Variants in CD99L2 observed in about 807,000 individuals in gnomAD.
CD99L2 encodes the protein CD99 molecule like 2.
CD99L2 carries 24 observed loss-of-function variants against 27.3 expected under a neutral mutation model. The ratio of observed to expected loss-of-function variants is 0.88; its 90% confidence interval spans 0.64 to 1.24. The LOEUF (loss-of-function observed/expected upper bound fraction) is 1.24. CD99L2 is among the 50% of genes most tolerant of loss of function. The pLI, the probability that CD99L2 is intolerant of heterozygous loss-of-function variation, is 0.00. For synonymous variants in CD99L2, 97 were observed against 87.9 expected (o/e 1.10, Z -0.58); for missense variants, 255 against 221.6 (o/e 1.15, Z -0.96).
chrX:150,831,295 T>C lies in CD99L2; in HGVS notation c.68-2A>G. ...TAAAATCATCAAAGTCCCCAGATCCTAAAAATTAAAAAAAAAAATTAAACT... is the reference window on the plus strand; with the variant it reads ...TAAAATCATCAAAGTCCCCAGATCCCAAAAATTAAAAAAAAAAATTAAACT... On this transcript the variant is annotated splice_acceptor_variant, in intron 1 of 10. Transcript: ENST00000370377. LOFTEE classifies it high-confidence loss of function. 6 of 1,172,157 alleles carry C rather than the reference T, an allele frequency of 5.1e-6. No homozygotes were observed. Among genetic ancestry groups the C allele is most frequent in the Non-Finnish European group, 6.9e-6 (6 of 869,922 alleles).
chrX:150,846,007 A>G (rs1774637619), intron 1 of CD99L2, among the ~76,000 whole-genome samples: 1 of 111,248 alleles, frequency 9.0e-6, no homozygotes, highest in African/African-American at 3.3e-5. Context: ...CCTGGGCAAC[A>G]TGGCGAAACC....
intron 1 of CD99L2, among the ~76,000 whole-genome samples, chrX:150,857,392 G>T (rs1198243488): frequency 9.1e-6 from 1 of 109,576 alleles, no homozygotes; most frequent in Non-Finnish European, 1.9e-5. Flanking sequence ...ACCTATAAAG[G>T]AACCCCCATC....
intron 3 of CD99L2, among the ~76,000 whole-genome samples, chrX:150,815,212 G>C (rs1384172469): frequency 1.8e-5 from 2 of 111,772 alleles, no homozygotes; most frequent in African/African-American, 6.5e-5. Context: ...CTAGCAGTCG[G>C]ACCATTTTAA....
chrX:150,887,097 T>C (rs1224568251), intron 1 of CD99L2, among the ~76,000 whole-genome samples: 1 of 106,746 alleles, frequency 9.4e-6, no homozygotes, highest in African/African-American at 3.5e-5. Flanking sequence ...TGAGCCATGA[T>C]GGTGCCACCG....
At chrX:150,886,506 T>C (rs1015326243) in intron 1 of CD99L2, among the ~76,000 whole-genome samples, 3 of 112,850 alleles carry the variant, frequency 2.7e-5, no homozygotes, top group Middle Eastern at 4.6e-3. Flanking sequence ...TAGTAGGCTA[T>C]ACCATCTATG....
At chrX:150,817,192 TATA>T (rs1166522306) in intron 2 of CD99L2, among the ~76,000 whole-genome samples, 5 of 104,151 alleles carry the variant, frequency 4.8e-5, no homozygotes, top group East Asian at 3.0e-4. Context: ...AAACTTAAAG[TATA>T]ATAATAATAA....
chrX:150,872,172 A>G (rs984111234), intron 1 of CD99L2, among the ~76,000 whole-genome samples: 2 of 110,956 alleles, frequency 1.8e-5, no homozygotes, highest in Non-Finnish European at 1.9e-5. Flanking sequence ...TCAAGGCTGC[A>G]GTGAGCTGTG....
rs782643860 is a variant in CD99L2, at chrX:150,791,292, C to T, written c.496+2399G>A. Among the ~76,000 whole-genome samples, 14 of 111,672 alleles carry T rather than the reference C, an allele frequency of 1.3e-4. No individual in the cohort carries two copies. In the South Asian group the frequency reaches 4.9e-3, roughly 39 times the overall value. On this transcript the variant is annotated intron_variant, in intron 7 of 10. Coordinates refer to ENST00000370377, the MANE Select transcript of CD99L2 (RefSeq NM_031462.4). ...GTCTGCTTAGACAGTCTAGAAGTAG[C>T]GATATACCACTAAGCAATGAATACT... is the stretch of plus-strand genomic sequence containing the variant.
intron 9 of CD99L2, among the ~76,000 whole-genome samples, chrX:150,772,237 C>T (rs868981725): frequency 8.9e-6 from 1 of 112,842 alleles, no homozygotes; most frequent in African/African-American, 3.2e-5. Flanking sequence ...ACGGAATGGA[C>T]GGTCCAGAGA....
intron 1 of CD99L2, among the ~76,000 whole-genome samples, chrX:150,894,692 A>G (rs1226064415): frequency 1.8e-5 from 2 of 110,077 alleles, no homozygotes; most frequent in Non-Finnish European, 3.8e-5. Context: ...GGCTCAAGCA[A>G]TCCTCCCACC....
At chrX:150,862,886 G>GAAAGAAAAGA (rs782333031) in intron 1 of CD99L2, among the ~76,000 whole-genome samples, 27,329 of 108,388 alleles carry the variant, frequency 0.25, 3,009 homozygotes, top group African/African-American at 0.37. Flanking sequence ...GAAAAAGAAA[G>GAAAGAAAAGA]AAAGAAAAGA....
chrX:150,816,514 T>C (rs782023807), intron 2 of CD99L2: 2 of 136,876 alleles, frequency 1.5e-5, no homozygotes, highest in East Asian at 2.0e-4. Context: ...TAGTGGAATA[T>C]GGGAGTATTT....
chrX:150,824,653 A>G (rs868974764), intron 2 of CD99L2, among the ~76,000 whole-genome samples: 6 of 91,334 alleles, frequency 6.6e-5, no homozygotes, highest in Admixed American at 2.5e-4. Context: ...AAGAAGAAGA[A>G]GAAGAAGAAG....
chrX:150,879,925 C>CAAAAAA (rs782555339), intron 1 of CD99L2, among the ~76,000 whole-genome samples: 2 of 27,325 alleles, frequency 7.3e-5, no homozygotes, highest in South Asian at 2.5e-3. Context: ...ACCCTGTCTC[C>CAAAAAA]AAAAAAAAAA....
chrX:150,781,258 C>A (rs929054462), intron 7 of CD99L2, among the ~76,000 whole-genome samples: 5 of 112,225 alleles, frequency 4.5e-5, no homozygotes, highest in African/African-American at 1.6e-4. Context: ...AGCATGATCC[C>A]ATTTTTATTT....
intron 1 of CD99L2, among the ~76,000 whole-genome samples, chrX:150,874,688 C>T (rs1363550415): frequency 2.7e-5 from 3 of 111,877 alleles, no homozygotes; most frequent in Admixed American, 9.4e-5. Context: ...TTTGATGTCA[C>T]TGGGCAACCT....
At chrX:150,887,616 C>A (rs1185494223) in intron 1 of CD99L2, among the ~76,000 whole-genome samples, 1 of 111,259 alleles carries the variant, frequency 9.0e-6, no homozygotes, top group Non-Finnish European at 1.9e-5. Context: ...TCCTCCAAGG[C>A]TACACAGTAG....
Position 150,898,658 on chromosome X carries a change from A to G in CD99L2, c.-70T>C. The G allele has an allele frequency of 1.1e-6, 1 of 943,359 alleles. No individual in the cohort carries two copies. 77.7% of individuals were successfully genotyped at this position (943,359 alleles called of 1,213,427 possible). On this transcript the variant is annotated 5_prime_UTR_variant, in exon 1 of 11. Transcript: ENST00000370377. Reference sequence around the variant, plus strand: ...AGAGCGCCCGAAGGGGAGGCCGAGGAGGAGCGGGAGGAGGAGCCCCGCCGC... The same window carrying G: ...AGAGCGCCCGAAGGGGAGGCCGAGGGGGAGCGGGAGGAGGAGCCCCGCCGC...
intron 4 of CD99L2, among the ~76,000 whole-genome samples, chrX:150,800,969 T>C (rs1557420066): frequency 1.8e-5 from 2 of 108,306 alleles, no homozygotes; most frequent in Non-Finnish European, 1.9e-5. Context: ...AGGCGGAGGT[T>C]ACAGTGAGCC....
Sources: gnomAD v4.1 joint callset for allele counts (sites outside exome capture counted in the v4.1 genomes callset) on GRCh38, gnomAD v4.1.1 for gene constraint, MANE v1.5 for transcripts, NCBI Gene and HGNC (gene_info 2026-07-23, HGNC 2026-07-21) for gene names.